PARL: variants seen among roughly 807,000 people sequenced by gnomAD.
The protein encoded by PARL is presenilin associated rhomboid like.
In PARL, 44 loss-of-function variants were observed where a neutral mutation model predicts 51.6. The observed-to-expected ratio is 0.85, with a 90% CI of 0.67 to 1.10. PARL has a LOEUF of 1.10. PARL is among the 50% of genes least tolerant of loss of function. PARL has a pLI of 0.00. For synonymous variants in PARL, 172 were observed against 164.0 expected, an observed-to-expected ratio of 1.05 and a Z score of -0.37; for missense variants, 441 against 469.5, an observed-to-expected ratio of 0.94 and a Z score of 0.56.
intron 4 of PARL, among the ~76,000 whole-genome samples, chr3:183,848,367 G>A (rs535410967): frequency 1.3e-5 from 2 of 152,180 alleles, no homozygotes; most frequent in South Asian, 2.1e-4. Flanking sequence ...TCAGCCTCCC[G>A]AGTAGCTGGG....
chr3:183,848,484 G>A lies in PARL; in HGVS notation c.512-4158C>T, dbSNP rs1249217792. 3.9e-5 allele frequency among the ~76,000 whole-genome samples: 6 copies of A among 152,166 alleles called. No individual in the cohort carries two copies. The East Asian group carries it at 9.6e-4, about 24-fold the overall frequency. ...TCTCAATCTCCTGACCTCGTGATCT[G>A]CCCGCGTCGGCCTCCCAAAGCTTTG... is the stretch of plus-strand genomic sequence containing the variant. On this transcript the variant is annotated intron_variant, in intron 4 of 9. Transcript: ENST00000317096.
At chr3:183,830,164 C>T (rs2108574272) in intron 9 of PARL, among the ~76,000 whole-genome samples, 1 of 152,332 alleles carries the variant, frequency 6.6e-6, no homozygotes, top group Admixed American at 6.5e-5. Context: ...CCGTCATCTT[C>T]CTCCTAACTA....
intron 1 of PARL, among the ~76,000 whole-genome samples, chr3:183,875,921 T>C (rs1190195436): frequency 1.3e-5 from 2 of 152,196 alleles, no homozygotes; most frequent in African/African-American, 4.8e-5. Context: ...TCATTTACCA[T>C]TCTGAGAATC....
At chr3:183,857,974 AGCT>A (rs1175624739) in intron 4 of PARL, among the ~76,000 whole-genome samples, 1 of 152,234 alleles carries the variant, frequency 6.6e-6, no homozygotes, top group Non-Finnish European at 1.5e-5. Context: ...ACCCAGTTCT[AGCT>A]GTGTGATCGC....
chr3:183,828,193 A>G (rs1188969429), downstream of PARL, among the ~76,000 whole-genome samples: 1 of 152,200 alleles, frequency 6.6e-6, no homozygotes, highest in Non-Finnish European at 1.5e-5. Context: ...GGGACTTCTA[A>G]CTTTTTCCCA....
Position 183,844,339 on chromosome 3 carries a change from T to A in PARL, c.512-13A>T. On this transcript the variant is annotated splice_polypyrimidine_tract_variant and intron_variant, in intron 4 of 9. Transcript: ENST00000317096. Reference sequence around the variant, plus strand: ...GCAGCTATAATACCTACAAAATAAATATTTATAATTTAGGGAGGTTAAAAA... The same window carrying A: ...GCAGCTATAATACCTACAAAATAAAAATTTATAATTTAGGGAGGTTAAAAA... 6.7e-7 allele frequency: 1 copy of A among 1,486,336 alleles called. No individual in the cohort carries two copies. The highest frequency in any genetic ancestry group is 9.4e-7 in the Non-Finnish European group (1 of 1,063,642). The allele number at this position is 1,486,336 out of a possible 1,614,324, so 92.1% of individuals were successfully genotyped here. A position where few individuals can be genotyped will look rare whatever the true frequency, so the allele number is the denominator to read the frequency against.
intron 4 of PARL, among the ~76,000 whole-genome samples, chr3:183,850,999 G>A (rs1353746746): frequency 6.6e-6 from 1 of 152,178 alleles, no homozygotes; most frequent in African/African-American, 2.4e-5. Flanking sequence ...ACACCCATAC[G>A]ATTACGGTCA....
At chr3:183,842,516 C>T in intron 5 of PARL, 69 bp from the exon 6 acceptor site, 1 of 1,494,132 alleles carries the variant, frequency 6.7e-7, no homozygotes, top group Non-Finnish European at 9.3e-7. Context: ...CCATTTTAAA[C>T]TTTTAAAATT....
chr3:183,850,706 T>G (rs187574157), intron 4 of PARL, among the ~76,000 whole-genome samples: 158 of 152,230 alleles, frequency 1.0e-3, no homozygotes, highest in African/African-American at 3.7e-3. Context: ...CTATCAATAT[T>G]CCTTTATGAA....
intron 7 of PARL, among the ~76,000 whole-genome samples, chr3:183,840,040 T>C (rs1729105531): frequency 6.6e-6 from 1 of 152,162 alleles, no homozygotes; most frequent in South Asian, 2.1e-4. Context: ...TAAGAAAAAT[T>C]TTTTTAAGCA....
chr3:183,831,265 T>C (rs1438928498), intron 9 of PARL, among the ~76,000 whole-genome samples: 2 of 152,218 alleles, frequency 1.3e-5, no homozygotes, highest in Non-Finnish European at 2.9e-5. Context: ...CGTGAGCCAC[T>C]GCGCCCGGCC....
Position 183,845,650 on chromosome 3 carries a change from C to T in PARL, c.512-1324G>A, listed in dbSNP as rs557881683. ...GGATCATACACAAGGCAATGAAGAG[C>T]GAAGAGCACTGTGTACACCTCCCAA... On this transcript the variant is annotated intron_variant, in intron 4 of 9. Transcript: ENST00000317096. 1.4e-4 allele frequency among the ~76,000 whole-genome samples: 21 copies of T among 152,258 alleles called. No homozygotes were observed. The East Asian group carries it at 2.7e-3, about 20-fold the overall frequency.
At chr3:183,883,051 T>C (rs1347915469) in intron 1 of PARL, among the ~76,000 whole-genome samples, 1 of 152,226 alleles carries the variant, frequency 6.6e-6, no homozygotes, top group East Asian at 1.9e-4. Flanking sequence ...GAAAATGTCA[T>C]TTTCAAACTT....
chr3:183,861,494 C>T (rs1311534829), intron 4 of PARL, among the ~76,000 whole-genome samples: 1 of 152,138 alleles, frequency 6.6e-6, no homozygotes, highest in South Asian at 2.1e-4. Context: ...AAAGAAAGCA[C>T]TTCCTAAAGG....
chr3:183,867,727 A>G (rs914684743), intron 2 of PARL, 138 bp downstream of exon 2: 6 of 706,962 alleles, frequency 8.5e-6, no homozygotes, highest in African/African-American at 7.2e-5. Flanking sequence ...TTCAGACTCT[A>G]TAATTAGAAT....
chr3:183,874,814 G>A (rs1452617631), intron 1 of PARL, among the ~76,000 whole-genome samples: 3 of 152,348 alleles, frequency 2.0e-5, no homozygotes, highest in East Asian at 3.9e-4. Flanking sequence ...GCTCACAGCT[G>A]TAACCCCAGC....
intron 1 of PARL, chr3:183,883,454 G>A (rs1254485227): frequency 4.4e-6 from 1 of 227,662 alleles, no homozygotes; most frequent in Admixed American, 6.5e-5. Flanking sequence ...ATTTTTAGTA[G>A]AGACGGGGTT....
At chr3:183,868,585 CT>C (rs778200459) in intron 1 of PARL, among the ~76,000 whole-genome samples, 2 of 151,978 alleles carry the variant, frequency 1.3e-5, no homozygotes, top group Non-Finnish European at 2.9e-5. Context: ...ATTTTTGTAC[CT>C]TTTGTAGAGA....
intron 5 of PARL, among the ~76,000 whole-genome samples, chr3:183,843,556 C>A (rs1207364057): frequency 6.6e-6 from 1 of 151,810 alleles, no homozygotes; most frequent in Non-Finnish European, 1.5e-5. Context: ...ATTGGCCGGG[C>A]GCAGTGGCTC....
Sources: gnomAD v4.1 joint callset for allele counts (sites outside exome capture counted in the v4.1 genomes callset) on GRCh38, gnomAD v4.1.1 for gene constraint, MANE v1.5 for transcripts, NCBI Gene and HGNC (gene_info 2026-07-23, HGNC 2026-07-21) for gene names.